The following SLC5A11 variants were observed in gnomAD, a reference collection of about 807,000 sequenced individuals.
The protein encoded by SLC5A11 is solute carrier family 5 member 11.
In SLC5A11, 48 loss-of-function variants were observed where a neutral mutation model predicts 69.8. The observed-to-expected ratio is 0.69, with a 90% CI of 0.55 to 0.87. SLC5A11 has a LOEUF of 0.87. SLC5A11 is among the 40% of genes least tolerant of loss of function. The probability of loss-of-function intolerance (pLI) is 0.00; values close to 1 mark genes in which losing one functional copy is unlikely to be tolerated. For synonymous variants in SLC5A11, 319 were observed against 342.4 expected, an observed-to-expected ratio of 0.93 and a Z score of 0.75; for missense variants, 784 against 866.1, an observed-to-expected ratio of 0.91 and a Z score of 1.19.
chr16:24,893,212 C>T (rs759720336), intron 9 of SLC5A11, among the ~76,000 whole-genome samples: 3 of 151,370 alleles, frequency 2.0e-5, no homozygotes, highest in African/African-American at 4.9e-5. Flanking sequence ...CACTTGAACC[C>T]GGGAGGTGGA....
At chr16:24,905,640 GCACACACACACACACA>G (rs56335988) in intron 10 of SLC5A11, among the ~76,000 whole-genome samples, 10 of 136,780 alleles carry the variant, frequency 7.3e-5, no homozygotes, top group East Asian at 2.2e-4. Flanking sequence ...GCGCGCGCGC[GCACACACACACACACA>G]CACACACACA....
At chr16:24,894,832 C>G (rs1254976328) in intron 9 of SLC5A11, among the ~76,000 whole-genome samples, 1 of 151,658 alleles carries the variant, frequency 6.6e-6, no homozygotes, top group Non-Finnish European at 1.5e-5. Context: ...CAAAAAGGAA[C>G]CACTTGGCTG....
intron 10 of SLC5A11, among the ~76,000 whole-genome samples, chr16:24,899,715 CT>C (rs201113842): frequency 6.7e-6 from 1 of 148,700 alleles, no homozygotes; most frequent in Admixed American, 6.7e-5. Context: ...GGTACTTTTT[CT>C]TTTTTTTAGG....
At chr16:24,864,869 C>T (rs913592531) in intron 3 of SLC5A11, among the ~76,000 whole-genome samples, 1 of 151,212 alleles carries the variant, frequency 6.6e-6, no homozygotes, top group African/African-American at 2.4e-5. Flanking sequence ...ATAACATACT[C>T]ACTAGAGGGG....
At chr16:24,858,328 A>T (rs1018824641) in intron 1 of SLC5A11, among the ~76,000 whole-genome samples, 1 of 152,166 alleles carries the variant, frequency 6.6e-6, no homozygotes, top group Non-Finnish European at 1.5e-5. Context: ...TGCTTGCTGA[A>T]ATCATCTGTA....
exon 15 of SLC5A11, chr16:24,910,459 A>C (rs556106666): frequency 6.2e-7 from 1 of 1,614,050 alleles, no homozygotes; most frequent in East Asian, 2.2e-5. Context: ...TCAAGAAAAC[A>C]CGTCTAAAAC....
chr16:24,907,817 T>C, intron 12 of SLC5A11, 146 bp from the exon 14 acceptor site: 1 of 960,910 alleles, frequency 1.0e-6, no homozygotes, highest in Non-Finnish European at 1.5e-6. Flanking sequence ...GCCCAGGAGT[T>C]GGAGGCTGCA....
At chr16:24,896,724 G>A (rs553916233) in intron 9 of SLC5A11, among the ~76,000 whole-genome samples, 9 of 152,084 alleles carry the variant, frequency 5.9e-5, no homozygotes, top group East Asian at 1.9e-4. Flanking sequence ...TCAGATAGGC[G>A]GGAAGTGGGG....
intron 7 of SLC5A11, among the ~76,000 whole-genome samples, chr16:24,879,879 TC>T: frequency 6.6e-6 from 1 of 152,340 alleles, no homozygotes; most frequent in African/African-American, 2.4e-5. Flanking sequence ...GTGTAGTATT[TC>T]GTGGTATATC....
At position 24,909,643 on chromosome 16, in the gene SLC5A11, C is replaced by CAAAAAAA. The variant is rs35334841; in HGVS notation, c.1650+564_1650+570dup. Among the ~76,000 whole-genome samples the CAAAAAAA allele has an allele frequency of 2.5e-4, 12 of 48,884 alleles. 1 individual carries two copies. The highest frequency in any genetic ancestry group is 3.3e-4 in the Admixed American group (1 of 3,046). The allele number at this position is 48,884 out of a possible 152,430, so 32.1% of individuals were successfully genotyped here. A position where few individuals can be genotyped will look rare whatever the true frequency, so the allele number is the denominator to read the frequency against. ...GGTGACAGAGCAAGACCCTGTCTCA[C>CAAAAAAA]AAAAAAAAAAAAAAAAAAAAAAAGG... On this transcript the variant is annotated intron_variant, in intron 14 of 15. Coordinates refer to ENST00000347898, the Ensembl canonical transcript of SLC5A11.
chr16:24,872,772 T>C (rs2047388240), intron 5 of SLC5A11, among the ~76,000 whole-genome samples: 1 of 150,588 alleles, frequency 6.6e-6, no homozygotes, highest in Non-Finnish European at 1.5e-5. Flanking sequence ...TCTGCACACC[T>C]CAGCCTCCCA....
intron 3 of SLC5A11, among the ~76,000 whole-genome samples, chr16:24,866,968 T>C (rs2046959901): frequency 6.6e-6 from 1 of 152,180 alleles, no homozygotes; most frequent in East Asian, 1.9e-4. Context: ...CAATAATGTA[T>C]GGAAAAACAA....
chr16:24,888,193 C>A (rs11861159), intron 8 of SLC5A11, among the ~76,000 whole-genome samples: 2,722 of 152,032 alleles, frequency 0.018, 100 homozygotes, highest in African/African-American at 0.062. Context: ...TACTCATATA[C>A]ACCCCAAAAA....
At chr16:24,850,859 A>G (rs1190921167) in intron 1 of SLC5A11, among the ~76,000 whole-genome samples, 1 of 151,282 alleles carries the variant, frequency 6.6e-6, no homozygotes, top group Non-Finnish European at 1.5e-5. Flanking sequence ...CACCCAGGCT[A>G]GAGTGCAGTG....
chr16:24,847,599 T>C (rs2059086178), intron 1 of SLC5A11, among the ~76,000 whole-genome samples: 1 of 152,182 alleles, frequency 6.6e-6, no homozygotes, highest in Non-Finnish European at 1.5e-5. Flanking sequence ...CAAGCGATTC[T>C]CCCGCCTCAG....
chr16:24,909,643 CAAAAAAAAAAA>C (rs35334841), intron 14 of SLC5A11, among the ~76,000 whole-genome samples: 1 of 48,906 alleles, frequency 2.0e-5, no homozygotes, highest in East Asian at 7.2e-4. Flanking sequence ...CCCTGTCTCA[CAAAAAAAAAAA>C]AAAAAAAAAA....
exon 8 of SLC5A11, chr16:24,884,079 T>C (rs2048230589): frequency 6.2e-7 from 1 of 1,613,976 alleles, no homozygotes; most frequent in African/African-American, 1.3e-5. Flanking sequence ...TCTACACGGA[T>C]GCCCTGCAGA....
At chr16:24,849,593 A>AAAAAAAAAATATATATCTAT in intron 1 of SLC5A11, among the ~76,000 whole-genome samples, 1 of 35,922 alleles carries the variant, frequency 2.8e-5, no homozygotes, top group Non-Finnish European at 5.6e-5. Flanking sequence ...AAAAAAAAAA[A>AAAAAAAAAATATATATCTAT]ATATATATAT....
chr16:24,898,228 C>T, intron 10 of SLC5A11, 119 bp downstream of exon 11: 1 of 1,319,328 alleles, frequency 7.6e-7, no homozygotes, highest in Non-Finnish European at 1.0e-6. Flanking sequence ...CTCTCTTTTT[C>T]TAAGACAGAG....
Sources: allele counts gnomAD v4.1 joint callset (sites outside exome capture counted in the v4.1 genomes callset), GRCh38; gene constraint gnomAD v4.1.1; transcripts MANE v1.5; gene names NCBI Gene and HGNC (gene_info 2026-07-23, HGNC 2026-07-21).